The following XYLT1 variants were observed in gnomAD, a reference collection of about 807,000 sequenced individuals.
The protein encoded by XYLT1 is beta-D-xylosyltransferase 1.
In XYLT1, 36 loss-of-function variants were observed where a neutral mutation model predicts 91.3. That is an observed-to-expected ratio of 0.39 (90% CI 0.30 to 0.52). The LOEUF (loss-of-function observed/expected upper bound fraction) is 0.52, where lower values mean the gene tolerates loss of function less well. Among genes scored for constraint, XYLT1 ranks in the 20% least tolerant of loss-of-function variants. The pLI is 0.68. For synonymous variants in XYLT1, 588 were observed against 532.0 expected (o/e 1.11, Z -1.45); for missense variants, 1,242 against 1,284.5 (o/e 0.97, Z 0.51).
chr16:17,375,813 C>T (rs371393501), intron 1 of XYLT1, among the ~76,000 whole-genome samples: 5 of 152,350 alleles, frequency 3.3e-5, no homozygotes, highest in Admixed American at 2.6e-4. Flanking sequence ...AGGTGGCTTC[C>T]GGAGCCCGGC....
intron 6 of XYLT1, among the ~76,000 whole-genome samples, chr16:17,151,303 G>A (rs1038430543): frequency 6.6e-6 from 1 of 152,218 alleles, no homozygotes; most frequent in African/African-American, 2.4e-5. Flanking sequence ...GCACATGCCT[G>A]TAATCCCAGC....
chr16:17,296,773 A>G (rs572739441), intron 2 of XYLT1, among the ~76,000 whole-genome samples: 17 of 152,322 alleles, frequency 1.1e-4, no homozygotes, highest in African/African-American at 4.1e-4. Context: ...AAATCAAAGC[A>G]TTAAGAATCC....
rs1161126213 is a variant in XYLT1 at position 17,470,371 on chromosome 16, C to G, written c.363+63G>C. The stretch of plus-strand genomic sequence containing the variant: ...TGACCGAGTTCAAGGGCTAGGGGGG[C>G]GTGGGGTCGGGCTGCCTTCCTCCCT... On this transcript the variant is annotated intron_variant, in intron 1 of 11. Coordinates refer to ENST00000261381, the MANE Select transcript of XYLT1 (RefSeq NM_022166.4). The G allele has an allele frequency of 9.9e-6, 12 of 1,209,520 alleles. No individual in the cohort carries two copies. The East Asian group carries it at 3.3e-4, about 33-fold the overall frequency. 74.9% of individuals were successfully genotyped at this position (1,209,520 alleles called of 1,614,324 possible).
chr16:17,369,659 T>A (rs1468922463), intron 1 of XYLT1: 1 of 152,186 alleles, frequency 6.6e-6, no homozygotes, highest in African/African-American at 2.4e-5. Context: ...AAAACTCAAA[T>A]AATCCATCAG....
chr16:17,399,208 A>G (rs1029973096), intron 1 of XYLT1, among the ~76,000 whole-genome samples: 3 of 152,216 alleles, frequency 2.0e-5, no homozygotes, highest in African/African-American at 7.2e-5. Context: ...AACCCATAAC[A>G]GATGACATCC....
intron 2 of XYLT1, among the ~76,000 whole-genome samples, chr16:17,291,306 T>C (rs942275872): frequency 2.0e-5 from 3 of 152,196 alleles, no homozygotes; most frequent in Non-Finnish European, 2.9e-5. Flanking sequence ...CCTGGCCTAA[T>C]TGTCTCATTT....
chr16:17,195,920 A>C (rs1045587764), intron 5 of XYLT1, among the ~76,000 whole-genome samples: 1 of 152,262 alleles, frequency 6.6e-6, no homozygotes, highest in African/African-American at 2.4e-5. Flanking sequence ...GTAGTTGCTC[A>C]GTAAATGTTT....
intron 9 of XYLT1, among the ~76,000 whole-genome samples, chr16:17,132,991 C>T (rs889223628): frequency 2.0e-5 from 3 of 152,212 alleles, no homozygotes; most frequent in Non-Finnish European, 4.4e-5. Flanking sequence ...ATGAGTATTA[C>T]TCTTCTCATT....
At chr16:17,214,597 C>T (rs1049017356) in intron 3 of XYLT1, among the ~76,000 whole-genome samples, 13 of 152,104 alleles carry the variant, frequency 8.5e-5, no homozygotes, top group African/African-American at 1.7e-4. Flanking sequence ...GTAACTGGAA[C>T]GAATGTCTAT....
chr16:17,176,438 G>A (rs760133462), intron 5 of XYLT1, among the ~76,000 whole-genome samples: 2 of 152,244 alleles, frequency 1.3e-5, no homozygotes, highest in Non-Finnish European at 2.9e-5. Flanking sequence ...GAGACAGGTT[G>A]AGCAACATGC....
intron 5 of XYLT1, among the ~76,000 whole-genome samples, chr16:17,160,915 TCTTA>T (rs1268442652): frequency 6.6e-6 from 1 of 152,178 alleles, no homozygotes; most frequent in African/African-American, 2.4e-5. Context: ...TTTTAACAGC[TCTTA>T]TTTACCAACC....
At chr16:17,141,837 A>G (rs1348685588) in intron 6 of XYLT1, among the ~76,000 whole-genome samples, 1 of 152,222 alleles carries the variant, frequency 6.6e-6, no homozygotes, top group Non-Finnish European at 1.5e-5. Context: ...AAAATCCACC[A>G]AAGTTCTGAT....
At chr16:17,368,563 ATT>A (rs1278537685) in intron 1 of XYLT1, among the ~76,000 whole-genome samples, 3 of 130,428 alleles carry the variant, frequency 2.3e-5, no homozygotes, top group East Asian at 2.7e-4. Context: ...GGATAGATAG[ATT>A]TTTTTTTTTT....
chr16:17,368,784 A>G (rs930985054), intron 1 of XYLT1, among the ~76,000 whole-genome samples: 34 of 151,970 alleles, frequency 2.2e-4, no homozygotes, highest in Non-Finnish European at 4.1e-4. Flanking sequence ...GGGTCTTCCT[A>G]TGTTGCCCAG....
chr16:17,197,014 A>AATATGTATATATATATATATATATATAT (rs2032439427), intron 5 of XYLT1, among the ~76,000 whole-genome samples: 1 of 110,510 alleles, frequency 9.0e-6, no homozygotes, highest in African/African-American at 4.5e-5. Flanking sequence ...CTGTCTCCAA[A>AATATGTATATATATATATATATATATAT]ATATATATAT....
At chr16:17,434,300 G>T (rs2036425236) in intron 1 of XYLT1, among the ~76,000 whole-genome samples, 1 of 152,202 alleles carries the variant, frequency 6.6e-6, no homozygotes, top group Non-Finnish European at 1.5e-5. Flanking sequence ...TGACAAGCGT[G>T]TCATCACCTG....
intron 3 of XYLT1, among the ~76,000 whole-genome samples, chr16:17,211,222 T>C (rs1050631329): frequency 1.3e-5 from 2 of 152,192 alleles, no homozygotes; most frequent in African/African-American, 4.8e-5. Flanking sequence ...TTAGGCTCCA[T>C]GAGCTTTGCT....
chr16:17,413,381 T>A (rs2036137339), intron 1 of XYLT1, among the ~76,000 whole-genome samples: 1 of 152,296 alleles, frequency 6.6e-6, no homozygotes, highest in Non-Finnish European at 1.5e-5. Flanking sequence ...ATTTGTCTAT[T>A]TGCCATCCAT....
chr16:17,318,833 G>A (rs2034674902), intron 2 of XYLT1, among the ~76,000 whole-genome samples: 1 of 151,288 alleles, frequency 6.6e-6, no homozygotes, highest in African/African-American at 2.4e-5. Context: ...TCTCGCCCAG[G>A]CTGAAGGGCA....
Sources: allele counts gnomAD v4.1 joint callset (sites outside exome capture counted in the v4.1 genomes callset), GRCh38; gene constraint gnomAD v4.1.1; transcripts MANE v1.5; gene names NCBI Gene and HGNC (gene_info 2026-07-23, HGNC 2026-07-21).